The following ANGPT4 variants were observed in gnomAD, a reference collection of about 807,000 sequenced individuals.
The protein encoded by ANGPT4 is angiopoietin 4.
A neutral mutation model predicts 53.0 loss-of-function variants in ANGPT4; 50 were observed. The observed-to-expected ratio is 0.94, with a 90% CI of 0.75 to 1.20. ANGPT4 has a LOEUF of 1.20. Among genes scored for constraint, ANGPT4 ranks in the 50% most tolerant of loss-of-function variants. The pLI, the probability that ANGPT4 is intolerant of heterozygous loss-of-function variation, is 0.00. For missense variants in ANGPT4, 648 were observed against 637.1 expected (o/e 1.02, Z -0.18); for synonymous variants, 251 against 259.7 (o/e 0.97, Z 0.32).
chr20:882,383 A>G (rs1264181338), intron 4 of ANGPT4, among the ~76,000 whole-genome samples: 1 of 152,144 alleles, frequency 6.6e-6, no homozygotes, highest in African/African-American at 2.4e-5. Flanking sequence ...TTCCAGATGG[A>G]TAGGTTGTCA....
At chr20:900,434 T>C (rs58589902) in intron 1 of ANGPT4, among the ~76,000 whole-genome samples, 3,714 of 152,252 alleles carry the variant, frequency 0.024, 161 homozygotes, top group African/African-American at 0.086. Context: ...TTACTTTGCA[T>C]TTCCAGTTTT....
rs534885816 is a variant in ANGPT4 at position 874,209 on chromosome 20, A to T, written c.1351+75T>A. 36 of 1,586,314 alleles carry T rather than the reference A, an allele frequency of 2.3e-5. No homozygotes were observed. The South Asian group carries it at 4.2e-4, about 18-fold the overall frequency. ...CCTGACAGCACCTGGGCGCACAAGAACCTGGGGAGGGAATGGGAGTGTCAA... is the reference window on the plus strand; with the variant it reads ...CCTGACAGCACCTGGGCGCACAAGATCCTGGGGAGGGAATGGGAGTGTCAA... On this transcript the variant is annotated intron_variant, in intron 8 of 8. Transcript: ENST00000381922.
rs757982688 is a variant in ANGPT4, at chr20:869,903, C to T, written c.*3057G>A. The T allele has an allele frequency of 3.3e-5, 5 of 152,262 alleles. No homozygotes were observed. The highest frequency in any genetic ancestry group is 1.3e-4 in the Admixed American group (2 of 15,288). The allele number at this position is 152,262 out of a possible 1,614,324, so 9.4% of individuals were successfully genotyped here. On this transcript the variant is annotated 3_prime_UTR_variant, in exon 9 of 9. Transcript: ENST00000381922. ...GGGATGGACACAAGACCAATCCTGG[C>T]TGCAGAAAATCATTCCTTTACTGGA...
intron 4 of ANGPT4, 39 bp from the exon 5 acceptor site, chr20:881,325 A>C (rs370316356): frequency 6.9e-5 from 110 of 1,592,828 alleles, no homozygotes; most frequent in Middle Eastern, 6.6e-4. Context: ...GGAGGTGGGC[A>C]AGGAAAGAGA....
intron 1 of ANGPT4, among the ~76,000 whole-genome samples, chr20:896,158 T>C (rs894289643): frequency 6.6e-6 from 1 of 152,208 alleles, no homozygotes; most frequent in Admixed American, 6.6e-5. Flanking sequence ...TCACCCTCTC[T>C]GAGTTTCATT....
chr20:879,766 T>C lies in ANGPT4; in HGVS notation c.1034A>G (p.Asn345Ser). 1 of 1,613,698 alleles carries C rather than the reference T, an allele frequency of 6.2e-7. No homozygotes were observed. Among genetic ancestry groups the C allele is most frequent in the Non-Finnish European group, 8.5e-7 (1 of 1,179,784 alleles). ...GGCTACCTGTTTGTAATCCTTCCAG[T>C]TCCGCTGAAAATTCACGGTGCCATT... is the stretch of plus-strand genomic sequence containing the variant. ...RENGTVNFQR[N>S]WKDYKQGFGD... The change falls in exon 6 of 9, where the codon AAC (asparagine) becomes AGC (serine). Residue 345 changes from asparagine to serine, a missense_variant. Asn to Ser is a conservative substitution (Grantham distance 46). Transcript: ENST00000381922.
intron 7 of ANGPT4, among the ~76,000 whole-genome samples, chr20:876,930 C>T (rs1045149929): frequency 2.6e-5 from 4 of 152,064 alleles, no homozygotes; most frequent in African/African-American, 9.7e-5. Flanking sequence ...GCCTGTAATC[C>T]CAGCTACTTG....
chr20:872,885 A>G lies in ANGPT4; in HGVS notation c.*75T>C. The stretch of plus-strand genomic sequence containing the variant: ...GGAAGGCGGTGGCACAGTGTCTTGC[A>G]TCTGGGTCCAGGTTGTCCAGGAGTG... On this transcript the variant is annotated 3_prime_UTR_variant, in exon 9 of 9. Coordinates refer to ENST00000381922, the MANE Select transcript of ANGPT4 (RefSeq NM_015985.4). 1 of 1,574,294 alleles carries G rather than the reference A, an allele frequency of 6.4e-7. No individual in the cohort carries two copies.
chr20:914,102 A>G lies in ANGPT4; in HGVS notation c.309+1804T>C, dbSNP rs1982822153. 6.6e-6 allele frequency among the ~76,000 whole-genome samples: 1 copy of G among 152,056 alleles called. No homozygotes were observed. The highest frequency in any genetic ancestry group is 1.5e-5 in the Non-Finnish European group (1 of 68,014). On this transcript the variant is annotated intron_variant, in intron 1 of 8. Coordinates refer to ENST00000381922, the MANE Select transcript of ANGPT4 (RefSeq NM_015985.4). This position sits in a 1 kb window ranked among gnomAD's most constrained non-coding sequence, Gnocchi z 5.0. ...AGGACATTTATGCATTCATGCATTC[A>G]CTCATGCTACAGACATTTATTGAGT...
chr20:903,690 T>C (rs1168852329), intron 1 of ANGPT4, among the ~76,000 whole-genome samples: 1 of 152,200 alleles, frequency 6.6e-6, no homozygotes, highest in Non-Finnish European at 1.5e-5. Context: ...AACCAGGCTG[T>C]ACTGGGATGG....
intron 1 of ANGPT4, among the ~76,000 whole-genome samples, chr20:913,678 G>T (rs1459628591): frequency 2.0e-5 from 3 of 152,254 alleles, no homozygotes; most frequent in Admixed American, 2.0e-4. Flanking sequence ...ATGAGAGTGA[G>T]AGGTGAGACT....
At chr20:894,957 G>T (rs548853048) in intron 1 of ANGPT4, among the ~76,000 whole-genome samples, 1 of 152,146 alleles carries the variant, frequency 6.6e-6, no homozygotes, top group Non-Finnish European at 1.5e-5. Flanking sequence ...GCAGGGCAAA[G>T]GTTACCCACA....
chr20:891,866 T>A (rs6108118), intron 1 of ANGPT4, among the ~76,000 whole-genome samples: 2 of 152,116 alleles, frequency 1.3e-5, no homozygotes, highest in African/African-American at 4.8e-5. Context: ...AGTGTGGTTC[T>A]TCCGTCAGCA....
At position 915,948 on chromosome 20, in the gene ANGPT4, C is replaced by A. The variant is rs753048955; in HGVS notation, c.267G>T (p.Gln89His). 5.6e-6 allele frequency: 9 copies of A among 1,605,358 alleles called. No homozygotes were observed. In the South Asian group the frequency reaches 8.9e-5, roughly 16 times the overall value. Residue 89 changes from glutamine to histidine, a missense_variant, in exon 1 of 9, where the codon CAG (glutamine) becomes CAT (histidine). Coordinates refer to ENST00000381922, the MANE Select transcript of ANGPT4 (RefSeq NM_015985.4). ...LGKLPTQQVK[Q>H]LEQALQNNTQ... ...TGTTGTTCTGCAGTGCCTGCTCCAG[C>A]TGTTTCACCTGCTGGGTGGGCAACT...
intron 4 of ANGPT4, among the ~76,000 whole-genome samples, chr20:882,021 C>G (rs1488586447): frequency 6.6e-6 from 1 of 152,170 alleles, no homozygotes; most frequent in African/African-American, 2.4e-5. Context: ...TTCTTTGGAG[C>G]TCCCTTGGGT....
chr20:880,050 C>G (rs1480062857), intron 5 of ANGPT4, among the ~76,000 whole-genome samples: 2 of 152,226 alleles, frequency 1.3e-5, no homozygotes, highest in African/African-American at 4.8e-5. Flanking sequence ...GGAATGACCT[C>G]TCAGAGCCTT....
chr20:909,458 T>C (rs1982615282), intron 1 of ANGPT4, among the ~76,000 whole-genome samples: 1 of 152,176 alleles, frequency 6.6e-6, no homozygotes, highest in Non-Finnish European at 1.5e-5. Flanking sequence ...ACACAGCTAA[T>C]AATCTCACAG....
chr20:893,723 C>T (rs970911449), intron 1 of ANGPT4, among the ~76,000 whole-genome samples: 1 of 152,192 alleles, frequency 6.6e-6, no homozygotes, highest in African/African-American at 2.4e-5. Flanking sequence ...GTAACTCCCA[C>T]CCCATGCTTC....
rs1026752599 is a variant in ANGPT4 at position 874,521 on chromosome 20, C to A, written c.1221-107G>T. On this transcript the variant is annotated intron_variant, in intron 7 of 8. Coordinates refer to ENST00000381922, the MANE Select transcript of ANGPT4 (RefSeq NM_015985.4). ...CTTTGTCCCAGGCTGGGCTTCCCCT[C>A]CAGGTGTTCTTGGAGGGACAGCCCC... 7 of 1,476,240 alleles carry A rather than the reference C, an allele frequency of 4.7e-6. No individual in the cohort carries two copies. In the African/African-American group the frequency reaches 7.0e-5, roughly 15 times the overall value. The allele number at this position is 1,476,240 out of a possible 1,614,324, so 91.4% of individuals were successfully genotyped here.
Sources: gnomAD v4.1 joint callset for allele counts (sites outside exome capture counted in the v4.1 genomes callset) on GRCh38, gnomAD v4.1.1 for gene constraint, Gnocchi (gnomAD v3.1) non-coding constraint, MANE v1.5 for transcripts, NCBI Gene and HGNC (gene_info 2026-07-23, HGNC 2026-07-21) for gene names.